CDKAL1: variants seen among roughly 807,000 people sequenced by gnomAD.
The protein encoded by CDKAL1 is CDKAL1 threonylcarbamoyladenosine tRNA methylthiotransferase.
A neutral mutation model predicts 68.2 loss-of-function variants in CDKAL1; 32 were observed. The ratio of observed to expected loss-of-function variants is 0.47; its 90% CI spans 0.35 to 0.63. CDKAL1 has a LOEUF of 0.63. CDKAL1 is among the 30% of genes least tolerant of loss of function. CDKAL1 has a pLI of 0.00. For missense variants in CDKAL1, 606 were observed against 696.7 expected (o/e 0.87, Z 1.47); for synonymous variants, 234 against 244.3 (o/e 0.96, Z 0.39).
chr6:20,783,727 T>A (rs1454990304), intron 8 of CDKAL1, among the ~76,000 whole-genome samples: 1 of 152,206 alleles, frequency 6.6e-6, no homozygotes. Flanking sequence ...CTTTACACAC[T>A]ATGTCATTTG....
intron 4 of CDKAL1, among the ~76,000 whole-genome samples, chr6:20,638,886 C>T (rs1332070736): frequency 6.6e-6 from 1 of 152,116 alleles, no homozygotes; most frequent in Non-Finnish European, 1.5e-5. Context: ...CCTGCCTCGG[C>T]CTCCTAAAGT....
At chr6:21,041,005 A>C (rs1235292486) in intron 11 of CDKAL1, among the ~76,000 whole-genome samples, 1 of 152,206 alleles carries the variant, frequency 6.6e-6, no homozygotes, top group Non-Finnish European at 1.5e-5. Flanking sequence ...CTAGTTCTTA[A>C]CACTTATTTT....
At chr6:20,992,456 A>T (rs1419659165) in intron 10 of CDKAL1, among the ~76,000 whole-genome samples, 1 of 152,062 alleles carries the variant, frequency 6.6e-6, no homozygotes, top group Non-Finnish European at 1.5e-5. Flanking sequence ...ATGCCATTAG[A>T]ATGTTTGTGT....
intron 9 of CDKAL1, among the ~76,000 whole-genome samples, chr6:20,853,629 C>T (rs1759160092): frequency 6.6e-6 from 1 of 152,190 alleles, no homozygotes; most frequent in Admixed American, 6.5e-5. Flanking sequence ...ATTTAACTCA[C>T]TTGTCAGTCT....
chr6:20,939,226 A>G (rs1763864036), intron 9 of CDKAL1, among the ~76,000 whole-genome samples: 1 of 152,176 alleles, frequency 6.6e-6, no homozygotes, highest in African/African-American at 2.4e-5. Context: ...TGTTAGAGGT[A>G]CTTCTCTCCA....
At chr6:20,663,404 A>G (rs1769382629) in intron 5 of CDKAL1, among the ~76,000 whole-genome samples, 1 of 152,072 alleles carries the variant, frequency 6.6e-6, no homozygotes, top group Non-Finnish European at 1.5e-5. Context: ...TATCAGGTCC[A>G]TTGTATTGGA....
chr6:20,609,225 CTTT>C (rs1766466243), intron 4 of CDKAL1, among the ~76,000 whole-genome samples: 2 of 149,136 alleles, frequency 1.3e-5, no homozygotes, highest in African/African-American at 5.1e-5. Context: ...TTTTCTTCTT[CTTT>C]CTTCCTTCTT....
At chr6:20,656,333 C>T (rs1366618917) in intron 5 of CDKAL1, among the ~76,000 whole-genome samples, 1 of 152,100 alleles carries the variant, frequency 6.6e-6, no homozygotes, top group African/African-American at 2.4e-5. Context: ...GTGGAAGGAA[C>T]AGAGGAGTTC....
chr6:20,605,093 T>C (rs1766276573), intron 4 of CDKAL1, among the ~76,000 whole-genome samples: 1 of 152,198 alleles, frequency 6.6e-6, no homozygotes, highest in African/African-American at 2.4e-5. Context: ...TAATTGATAC[T>C]GATAACCAAG....
chr6:20,772,463 T>A (rs1432105589), intron 7 of CDKAL1, among the ~76,000 whole-genome samples: 1 of 152,208 alleles, frequency 6.6e-6, no homozygotes, highest in Non-Finnish European at 1.5e-5. Flanking sequence ...AAAAGACATA[T>A]CTGCTTGCAA....
intron 13 of CDKAL1, among the ~76,000 whole-genome samples, chr6:21,158,957 G>C (rs6937555): frequency 0.34 from 51,502 of 151,880 alleles, 9,079 homozygotes; most frequent in African/African-American, 0.43. Flanking sequence ...ACATGATGTA[G>C]CTTTCTGGGA....
At chr6:20,951,873 T>C (rs1764539818) in intron 9 of CDKAL1, among the ~76,000 whole-genome samples, 1 of 152,174 alleles carries the variant, frequency 6.6e-6, no homozygotes, top group Non-Finnish European at 1.5e-5. Flanking sequence ...TTTGCATGTA[T>C]TTATTTTTAC....
At chr6:20,992,031 C>A (rs200876305) in intron 10 of CDKAL1, among the ~76,000 whole-genome samples, 4 of 100,468 alleles carry the variant, frequency 4.0e-5, no homozygotes, top group African/African-American at 1.3e-4. Flanking sequence ...TTTTTCTTTT[C>A]TTTTTTTTTT....
chr6:21,012,523 A>G (rs1768079774), intron 11 of CDKAL1, among the ~76,000 whole-genome samples: 1 of 152,192 alleles, frequency 6.6e-6, no homozygotes, highest in Non-Finnish European at 1.5e-5. Flanking sequence ...GCAACCTAAC[A>G]TTCCCAATAT....
chr6:21,193,262 T>C (rs1562106104), intron 13 of CDKAL1, among the ~76,000 whole-genome samples: 1 of 152,168 alleles, frequency 6.6e-6, no homozygotes, highest in Non-Finnish European at 1.5e-5. Context: ...AGAAGGTAGC[T>C]GTAATTTGCA....
chr6:20,684,311 A>G (rs551975699), intron 5 of CDKAL1, among the ~76,000 whole-genome samples: 10 of 152,282 alleles, frequency 6.6e-5, no homozygotes, highest in Admixed American at 5.2e-4. Flanking sequence ...GCGTGGTGGC[A>G]TGTGCCTGTA....
intron 12 of CDKAL1, among the ~76,000 whole-genome samples, chr6:21,091,570 C>A (rs1244026960): frequency 6.6e-6 from 1 of 152,182 alleles, no homozygotes; most frequent in Non-Finnish European, 1.5e-5. Flanking sequence ...CAACAGAAGA[C>A]TGGAGGCTCA....
chr6:20,843,404 A>C (rs1778252430), intron 8 of CDKAL1, among the ~76,000 whole-genome samples: 1 of 152,076 alleles, frequency 6.6e-6, no homozygotes, highest in Admixed American at 6.5e-5. Flanking sequence ...CACAGATTGA[A>C]TATCCCTTAT....
At chr6:21,213,991 G>A (rs1779253951) in intron 15 of CDKAL1, among the ~76,000 whole-genome samples, 1 of 152,216 alleles carries the variant, frequency 6.6e-6, no homozygotes. Context: ...ATTTTATTCA[G>A]CCATAGAAAG....
Sources: allele counts gnomAD v4.1 joint callset (sites outside exome capture counted in the v4.1 genomes callset), GRCh38; gene constraint gnomAD v4.1.1; transcripts MANE v1.5; gene names NCBI Gene and HGNC (gene_info 2026-07-23, HGNC 2026-07-21).